MACF1: variants seen among roughly 807,000 people sequenced by gnomAD.
The protein encoded by MACF1 is microtubule-actin cross-linking factor 1.
Under a neutral mutation model 854.8 loss-of-function variants are expected in MACF1, and 193 were observed. That is an observed-to-expected ratio of 0.23 (90% CI 0.20 to 0.25). The LOEUF (loss-of-function observed/expected upper bound fraction) is 0.25, where lower values mean the gene tolerates loss of function less well. Among genes scored for constraint, MACF1 ranks in the 10% least tolerant of loss-of-function variants. MACF1 has a pLI of 1.00. For synonymous variants in MACF1, 3,185 were observed against 3,226.7 expected, an observed-to-expected ratio of 0.99 and a Z score of 0.44; for missense variants, 7,722 against 8,929.1, an observed-to-expected ratio of 0.86 and a Z score of 5.45.
In MACF1 at chr1:39,452,726, C is replaced by G; in HGVS notation, c.20656C>G (p.Leu6886Val). ...RDTVHMLLEW[L>V]SEAEQTLRFR... The stretch of plus-strand genomic sequence containing the variant: ...CACAGTCCACATGCTGTTGGAGTGG[C>G]TTTCTGAAGCAGAGCAAACGCTTCG... The change falls in exon 87 of 101, where the codon CTT becomes GTT. Residue 6886 changes from leucine (L) to valine (V), a missense_variant. Coordinates refer to ENST00000564288, the MANE Select transcript of MACF1 (RefSeq NM_001394062.1). 6.2e-7 allele frequency: 1 copy of G among 1,613,754 alleles called. No individual in the cohort carries two copies. The highest frequency in any genetic ancestry group is 8.5e-7 in the Non-Finnish European group (1 of 1,180,006).
chr1:39,281,521 C>T (rs1183175589), intron 6 of MACF1, among the ~76,000 whole-genome samples: 3 of 151,240 alleles, frequency 2.0e-5, no homozygotes, highest in Non-Finnish European at 2.9e-5. Flanking sequence ...GATGGAGTCT[C>T]ACTCTGTCAC....
At chr1:39,241,288 A>G (rs2484759) in intron 2 of MACF1, among the ~76,000 whole-genome samples, 9,169 of 152,176 alleles carry the variant, frequency 0.06, 359 homozygotes, top group African/African-American at 0.11. Flanking sequence ...ACATAGTTTG[A>G]GTCAAGGAAA....
At chr1:39,163,622 C>T (rs1397763622) in intron 2 of MACF1, among the ~76,000 whole-genome samples, 2 of 152,012 alleles carry the variant, frequency 1.3e-5, no homozygotes, top group African/African-American at 4.8e-5. Context: ...TTTTGGTTCT[C>T]TTAGTTCTGA....
intron 2 of MACF1, among the ~76,000 whole-genome samples, chr1:39,098,601 C>A (rs772384131): frequency 6.6e-6 from 1 of 152,200 alleles, no homozygotes; most frequent in Non-Finnish European, 1.5e-5. Context: ...CTCATTTCTT[C>A]CAGGAAGCAC....
chr1:39,188,091 T>C (rs1298757587), intron 2 of MACF1, among the ~76,000 whole-genome samples: 2 of 151,776 alleles, frequency 1.3e-5, no homozygotes, highest in Non-Finnish European at 2.9e-5. Context: ...CTGTCTTTCA[T>C]GTTAGAAGTT....
Position 39,107,298 on chromosome 1 carries a change from G to A in MACF1, c.220+22860G>A, listed in dbSNP as rs182828920. Reference sequence around the variant, plus strand: ...GGCTGGGAAAGAAGGGGGCAGTAGGGCTTGTTCCAGGAGAGACCTCTTTTG... The same window carrying A: ...GGCTGGGAAAGAAGGGGGCAGTAGGACTTGTTCCAGGAGAGACCTCTTTTG... On this transcript the variant is annotated intron_variant, in intron 2 of 93. Coordinates refer to the MACF1 transcript ENST00000361689. 9.9e-4 allele frequency among the ~76,000 whole-genome samples: 150 copies of A among 152,144 alleles called. 2 individuals are homozygous for A. The highest frequency in any genetic ancestry group is 8.3e-3 in the South Asian group (40 of 4,812).
chr1:39,467,561 G>C (rs1418387729), intron 95 of MACF1, among the ~76,000 whole-genome samples: 1 of 152,160 alleles, frequency 6.6e-6, no homozygotes, highest in Admixed American at 6.5e-5. Context: ...GATGTTTAGA[G>C]CTGGGAAGTA....
intron 2 of MACF1, among the ~76,000 whole-genome samples, chr1:39,175,963 A>C (rs1644019110): frequency 7.7e-6 from 1 of 130,388 alleles, no homozygotes; most frequent in Non-Finnish European, 1.7e-5. Context: ...AAAAAAAATT[A>C]GCCAGGTGTG....
intron 1 of MACF1, among the ~76,000 whole-genome samples, 159 bp from the exon 2 acceptor site, chr1:39,231,023 G>A (rs1261686412): frequency 6.6e-6 from 1 of 152,214 alleles, no homozygotes. Context: ...GGCCAAAGAG[G>A]AAGTTCAGCT....
At chr1:39,295,982 C>A in intron 20 of MACF1, 100 bp downstream of exon 20, 1 of 1,010,510 alleles carries the variant, frequency 9.9e-7, no homozygotes, top group Non-Finnish European at 1.5e-6. Flanking sequence ...GTATAAACCA[C>A]CACCTTAAAA....
intron 21 of MACF1, chr1:39,299,303 T>C (rs1480393597): frequency 1.1e-5 from 5 of 456,128 alleles, no homozygotes; most frequent in Non-Finnish European, 2.2e-5. Flanking sequence ...ATATTCTTAG[T>C]TCTTTAATGG....
chr1:39,120,658 G>A (rs1465765121), intron 2 of MACF1, among the ~76,000 whole-genome samples: 4 of 152,076 alleles, frequency 2.6e-5, no homozygotes, highest in South Asian at 4.1e-4. Context: ...CACCACACCC[G>A]GCCAACAATG....
At chr1:39,482,506 G>GT (rs1197679947) in intron 99 of MACF1, among the ~76,000 whole-genome samples, 1 of 144,802 alleles carries the variant, frequency 6.9e-6, no homozygotes, top group Non-Finnish European at 1.6e-5. Context: ...TGTTTTGGGG[G>GT]TTTTTTTGTT....
At chr1:39,110,086 A>G (rs904537833) in intron 2 of MACF1, among the ~76,000 whole-genome samples, 3 of 152,206 alleles carry the variant, frequency 2.0e-5, no homozygotes. Context: ...TTTTTAAAAT[A>G]GTACAAAATG....
chr1:39,192,488 T>C (rs1644267291), intron 2 of MACF1, among the ~76,000 whole-genome samples: 1 of 152,232 alleles, frequency 6.6e-6, no homozygotes, highest in Non-Finnish European at 1.5e-5. Context: ...GTGATAATGT[T>C]TCCCATAAAA....
Position 39,336,293 on chromosome 1 carries a change from T to G in MACF1, c.9705T>G (p.Thr3235=). The change falls in exon 37 of 101, where the codon ACT becomes ACG. Residue 3235 remains threonine (T), a synonymous_variant. Coordinates refer to ENST00000564288, the MANE Select transcript of MACF1 (RefSeq NM_001394062.1). ...CTGAAATAGCAACACAGGAACTAAC[T>G]GGAGAGAAATTTCTAGAAATGGCAA... ...LKSEIATQEL[T]GEKFLEMANP... is the part of the protein sequence containing the mutation. The G allele has an allele frequency of 6.2e-7, 1 of 1,614,126 alleles. No homozygotes were observed.
chr1:39,241,863 T>C (rs1417380605), intron 2 of MACF1, among the ~76,000 whole-genome samples: 2 of 152,090 alleles, frequency 1.3e-5, no homozygotes, highest in African/African-American at 2.4e-5. Context: ...AGTGATCTTA[T>C]ACAAGTTATT....
rs1156749509 is a variant in MACF1 at position 39,469,534 on chromosome 1, T to A, written c.21890-13T>A. On this transcript the variant is annotated splice_polypyrimidine_tract_variant and intron_variant, in intron 96 of 100. Coordinates refer to ENST00000564288, the MANE Select transcript of MACF1 (RefSeq NM_001394062.1). ...CTGTCTGTTTCTTTCTGTTTACGTA[T>A]TTTTTATTCTAGTTCACCATCCTGG... 3.9e-6 allele frequency: 6 copies of A among 1,543,442 alleles called. No homozygotes were observed. Among genetic ancestry groups the A allele is most frequent in the Non-Finnish European group, 5.3e-6 (6 of 1,140,620 alleles).
intron 2 of MACF1, among the ~76,000 whole-genome samples, chr1:39,098,840 A>G (rs1228235621): frequency 6.6e-6 from 1 of 152,238 alleles, no homozygotes; most frequent in African/African-American, 2.4e-5. Flanking sequence ...AGAGGGCAGC[A>G]TGAGAGCAGG....
Sources: gnomAD v4.1 joint callset for allele counts (sites outside exome capture counted in the v4.1 genomes callset) on GRCh38, gnomAD v4.1.1 for gene constraint, MANE v1.5 for transcripts, NCBI Gene and HGNC (gene_info 2026-07-23, HGNC 2026-07-21) for gene names.